Variants in GIPC2 observed in about 807,000 individuals in gnomAD.
The protein encoded by GIPC2 is PDZ domain-containing protein GIPC2.
Under a neutral mutation model 30.6 loss-of-function variants are expected in GIPC2, and 30 were observed. The ratio of observed to expected loss-of-function variants is 0.98; its 90% CI spans 0.73 to 1.33. The LOEUF (loss-of-function observed/expected upper bound fraction) is 1.33, where lower values mean the gene tolerates loss of function less well. Among genes scored for constraint, GIPC2 ranks in the 40% most tolerant of loss-of-function variants. The pLI is 0.00. For missense variants in GIPC2, 414 were observed against 390.3 expected (o/e 1.06, Z -0.51); for synonymous variants, 167 against 150.0 (o/e 1.11, Z -0.83).
At chr1:78,052,989 G>A (rs1327104753) in intron 1 of GIPC2, among the ~76,000 whole-genome samples, 1 of 152,266 alleles carries the variant, frequency 6.6e-6, no homozygotes, top group Admixed American at 6.5e-5. Context: ...AAACTAGGAC[G>A]AATAGAGAAA....
At chr1:78,092,355 T>C (rs1447241043) in intron 2 of GIPC2, among the ~76,000 whole-genome samples, 1 of 152,240 alleles carries the variant, frequency 6.6e-6, no homozygotes, top group Non-Finnish European at 1.5e-5. Context: ...TGTTTAATAA[T>C]GTAAATCCTA....
chr1:78,066,643 A>T (rs1004833874), intron 1 of GIPC2, among the ~76,000 whole-genome samples: 1 of 152,216 alleles, frequency 6.6e-6, no homozygotes, highest in African/African-American at 2.4e-5. Context: ...CTAAATGCCT[A>T]TCAGTAGTAG....
At chr1:78,050,479 A>G (rs1297615860) in intron 1 of GIPC2, among the ~76,000 whole-genome samples, 1 of 152,142 alleles carries the variant, frequency 6.6e-6, no homozygotes, top group African/African-American at 2.4e-5. Flanking sequence ...GTTATGCAAA[A>G]ATCCCTCATA....
chr1:78,060,049 T>A (rs897462232), intron 1 of GIPC2, among the ~76,000 whole-genome samples: 2 of 152,212 alleles, frequency 1.3e-5, no homozygotes, highest in Non-Finnish European at 2.9e-5. Flanking sequence ...ACATCAAATG[T>A]AATGTTTGGA....
chr1:78,060,342 G>T (rs1196330884), intron 1 of GIPC2, among the ~76,000 whole-genome samples: 7 of 152,002 alleles, frequency 4.6e-5, no homozygotes, highest in Admixed American at 3.3e-4. Flanking sequence ...ATGGGGTTTT[G>T]CCATGTTGCC....
chr1:78,093,425 A>T (rs541546611), intron 2 of GIPC2, among the ~76,000 whole-genome samples: 1 of 152,360 alleles, frequency 6.6e-6, no homozygotes, highest in East Asian at 1.9e-4. Context: ...CTCTGTTTAA[A>T]TTGGCATTAT....
chr1:78,045,663 A>G, upstream of GIPC2: 1 of 985,482 alleles, frequency 1.0e-6, no homozygotes. Flanking sequence ...CTATCCCCGA[A>G]AGTCCAGACG....
chr1:78,114,169 C>G (rs1436613430), intron 3 of GIPC2, among the ~76,000 whole-genome samples: 1 of 152,194 alleles, frequency 6.6e-6, no homozygotes, highest in African/African-American at 2.4e-5. Flanking sequence ...ACTGGGAGCC[C>G]TGGTGCATCT....
chr1:78,131,142 A>G (rs945832154), intron 5 of GIPC2, among the ~76,000 whole-genome samples: 3 of 140,192 alleles, frequency 2.1e-5, no homozygotes, highest in Non-Finnish European at 3.1e-5. Context: ...TTTTAAATCT[A>G]TTTTTTTCTT....
chr1:78,130,579 G>T (rs1017078091), intron 5 of GIPC2, among the ~76,000 whole-genome samples: 1 of 152,222 alleles, frequency 6.6e-6, no homozygotes, highest in African/African-American at 2.4e-5. Context: ...AAAAGTCTTA[G>T]GAAAAGTAAG....
chr1:78,093,260 T>C lies in GIPC2; in HGVS notation c.427-1692T>C, dbSNP rs1038582999. ...CTCTAGTCTTTTCTTTAATCTTGTT[T>C]ATTTTTCTATGACAGTTGAGAAACT... On this transcript the variant is annotated intron_variant, in intron 2 of 5. Coordinates refer to ENST00000370759, the MANE Select transcript of GIPC2 (RefSeq NM_017655.6). 3.3e-5 allele frequency among the ~76,000 whole-genome samples: 5 copies of C among 152,242 alleles called. No homozygotes were observed. In the East Asian group the frequency reaches 9.6e-4, roughly 29 times the overall value.
intron 1 of GIPC2, among the ~76,000 whole-genome samples, chr1:78,069,874 C>G (rs1661585688): frequency 6.6e-6 from 1 of 152,168 alleles, no homozygotes; most frequent in East Asian, 1.9e-4. Context: ...CCCATATTTT[C>G]CCCATAGAGT....
intron 2 of GIPC2, among the ~76,000 whole-genome samples, chr1:78,087,727 A>G (rs1661956575): frequency 6.6e-6 from 1 of 152,264 alleles, no homozygotes; most frequent in Admixed American, 6.5e-5. Context: ...CAAAGACACC[A>G]AAGCAATCAG....
At chr1:78,056,922 G>A (rs1661309233) in intron 1 of GIPC2, among the ~76,000 whole-genome samples, 1 of 152,084 alleles carries the variant, frequency 6.6e-6, no homozygotes, top group African/African-American at 2.4e-5. Context: ...TCTCTTTCCA[G>A]TGTATTTGTT....
intron 2 of GIPC2, chr1:78,091,494 C>A: frequency 2.9e-6 from 2 of 700,956 alleles, no homozygotes; most frequent in South Asian, 1.5e-5. Flanking sequence ...CCTCCCGCTG[C>A]GCTAATGGCT....
At chr1:78,053,500 C>T (rs981633785) in intron 1 of GIPC2, among the ~76,000 whole-genome samples, 1 of 152,080 alleles carries the variant, frequency 6.6e-6, no homozygotes. Flanking sequence ...AGGTGAGAAT[C>T]CCTGGTGGTC....
chr1:78,103,614 C>G (rs1662291174), intron 3 of GIPC2, among the ~76,000 whole-genome samples: 1 of 152,156 alleles, frequency 6.6e-6, no homozygotes, highest in African/African-American at 2.4e-5. Context: ...GCATAGCACT[C>G]CAGTCCTGTT....
chr1:78,100,468 A>C (rs374750759), intron 3 of GIPC2, among the ~76,000 whole-genome samples: 34 of 152,288 alleles, frequency 2.2e-4, no homozygotes, highest in African/African-American at 6.0e-4. Context: ...AGAGACTGCA[A>C]ATGATGACCT....
At position 78,122,715 on chromosome 1, in the gene GIPC2, C is replaced by G. The variant is rs139240317; in HGVS notation, c.715-3166C>G. ...TCAAGATGGGATTTGGGTGGGCACACAGAGCCAAACCATATCAATTCTCCA... is the reference window on the plus strand; with the variant it reads ...TCAAGATGGGATTTGGGTGGGCACAGAGAGCCAAACCATATCAATTCTCCA... On this transcript the variant is annotated intron_variant, in intron 4 of 5. Coordinates refer to ENST00000370759, the MANE Select transcript of GIPC2 (RefSeq NM_017655.6). Among the ~76,000 whole-genome samples, 47 of 152,332 alleles carry G rather than the reference C, an allele frequency of 3.1e-4. No individual in the cohort carries two copies. The East Asian group carries it at 8.9e-3, about 29-fold the overall frequency.
Sources: allele counts gnomAD v4.1 joint callset (sites outside exome capture counted in the v4.1 genomes callset), GRCh38; gene constraint gnomAD v4.1.1; transcripts MANE v1.5; gene names NCBI Gene and HGNC (gene_info 2026-07-23, HGNC 2026-07-21).